Variants in GPM6B observed in about 807,000 individuals in gnomAD.
The protein encoded by GPM6B is neuronal membrane glycoprotein M6-b.
Under a neutral mutation model 27.2 loss-of-function variants are expected in GPM6B, and 4 were observed. That is an observed-to-expected ratio of 0.15 (90% confidence interval 0.07 to 0.34). The LOEUF (loss-of-function observed/expected upper bound fraction) is 0.34. Among genes scored for constraint, GPM6B ranks in the 10% least tolerant of loss-of-function variants. GPM6B has a pLI of 1.00. For missense variants in GPM6B, 183 were observed against 261.9 expected, an observed-to-expected ratio of 0.70 and a Z score of 2.08; for synonymous variants, 124 against 103.1, an observed-to-expected ratio of 1.20 and a Z score of -1.23.
At chrX:13,829,300 G>A (rs2147214825) in intron 1 of GPM6B, among the ~76,000 whole-genome samples, 1 of 111,493 alleles carries the variant, frequency 9.0e-6, no homozygotes, top group Non-Finnish European at 1.9e-5. Context: ...TGACCTTCCT[G>A]AGTTTCAGCT....
chrX:13,868,189 TTGTGTGTG>T (rs59057250), intron 1 of GPM6B, among the ~76,000 whole-genome samples: 46,988 of 106,639 alleles, frequency 0.44, 8,720 homozygotes, highest in Non-Finnish European at 0.59. Flanking sequence ...GACATTTAAA[TTGTGTGTG>T]TGTGTGTGTG....
At chrX:13,916,905 G>A (rs1241377122) in intron 1 of GPM6B, among the ~76,000 whole-genome samples, 1 of 111,142 alleles carries the variant, frequency 9.0e-6, no homozygotes, top group African/African-American at 3.3e-5. Context: ...TCATCACTGT[G>A]CCCATGAATT....
intron 1 of GPM6B, among the ~76,000 whole-genome samples, chrX:13,834,532 G>A (rs749536873): frequency 8.9e-6 from 1 of 112,439 alleles, no homozygotes. Flanking sequence ...GCATGCCATG[G>A]GCTTTGCTCA....
intron 1 of GPM6B, among the ~76,000 whole-genome samples, chrX:13,842,928 TTATC>T (rs2049596457): frequency 8.9e-6 from 1 of 111,808 alleles, no homozygotes; most frequent in African/African-American, 3.3e-5. Context: ...AACACCTTTA[TTATC>T]ATTGACATAC....
At chrX:13,794,818 G>C (rs2048780283) in intron 2 of GPM6B, among the ~76,000 whole-genome samples, 1 of 112,113 alleles carries the variant, frequency 8.9e-6, no homozygotes, top group African/African-American at 3.2e-5. Context: ...AGGATGCAGA[G>C]AGCCCTTCTA....
chrX:13,794,464 TGG>T (rs1228267565), intron 2 of GPM6B, among the ~76,000 whole-genome samples: 2 of 111,315 alleles, frequency 1.8e-5, no homozygotes, highest in African/African-American at 6.5e-5. Context: ...GAGCCAGGAG[TGG>T]GCCCTCAAAG....
chrX:13,864,564 G>T (rs2049888458), intron 1 of GPM6B, among the ~76,000 whole-genome samples: 1 of 112,737 alleles, frequency 8.9e-6, no homozygotes, highest in African/African-American at 3.2e-5. Flanking sequence ...TCCAGGGTTG[G>T]AGTTTTTAAA....
chrX:13,831,143 T>C (rs1303296951), intron 1 of GPM6B, among the ~76,000 whole-genome samples: 2 of 104,661 alleles, frequency 1.9e-5, no homozygotes, highest in Non-Finnish European at 3.9e-5. Context: ...TACGGTCCAA[T>C]ATATGGTGAG....
intron 2 of GPM6B, among the ~76,000 whole-genome samples, chrX:13,806,358 T>C (rs766200908): frequency 1.8e-5 from 2 of 112,558 alleles, no homozygotes; most frequent in Non-Finnish European, 3.8e-5. Context: ...CATTCCTTTT[T>C]ATTGCTGAAT....
intron 1 of GPM6B, among the ~76,000 whole-genome samples, chrX:13,929,606 C>T (rs1921382910): frequency 8.9e-6 from 1 of 111,814 alleles, no homozygotes; most frequent in Admixed American, 9.5e-5. Context: ...ATCCCTCTTA[C>T]CCTTTAAGTA....
chrX:13,846,853 A>C (rs2061706109), intron 1 of GPM6B, among the ~76,000 whole-genome samples: 1 of 99,353 alleles, frequency 1.0e-5, no homozygotes, highest in African/African-American at 3.8e-5. Flanking sequence ...TATTACTGAC[A>C]CATGTTTTAG....
intron 1 of GPM6B, among the ~76,000 whole-genome samples, chrX:13,900,427 C>T (rs2050272103): frequency 9.0e-6 from 1 of 110,877 alleles, no homozygotes; most frequent in South Asian, 3.8e-4. Context: ...GGGAGGGTTA[C>T]CCGAAATTGG....
chrX:13,799,196 T>A (rs1315548747), intron 2 of GPM6B, among the ~76,000 whole-genome samples: 8 of 9,446 alleles, frequency 8.5e-4, no homozygotes, highest in African/African-American at 4.3e-3. Flanking sequence ...CCTAATTTTT[T>A]TTTTTTTTTT....
At chrX:13,806,841 C>A (rs1422751143) in intron 2 of GPM6B, among the ~76,000 whole-genome samples, 1 of 111,931 alleles carries the variant, frequency 8.9e-6, no homozygotes, top group Non-Finnish European at 1.9e-5. Flanking sequence ...CTACCACCAG[C>A]CCTTTATGTC....
chrX:13,866,437 C>T (rs1403196707), intron 1 of GPM6B, among the ~76,000 whole-genome samples: 1 of 111,925 alleles, frequency 8.9e-6, no homozygotes, highest in African/African-American at 3.2e-5. Context: ...TGCTCTAATG[C>T]ACACTGGAAT....
upstream of GPM6B, among the ~76,000 whole-genome samples, chrX:13,818,439 G>T: frequency 8.9e-6 from 1 of 112,123 alleles, no homozygotes; most frequent in Non-Finnish European, 1.9e-5. Flanking sequence ...CTAAAAACCT[G>T]ATCTTTTAAT....
At chrX:13,820,824 C>T (rs996344764), upstream of GPM6B, among the ~76,000 whole-genome samples, 3 of 111,563 alleles carry the variant, frequency 2.7e-5, no homozygotes, top group African/African-American at 6.5e-5. Context: ...GGGCACATAG[C>T]GGGTTCTCAA....
At chrX:13,796,501 T>C (rs746585770) in intron 2 of GPM6B, among the ~76,000 whole-genome samples, 7 of 112,427 alleles carry the variant, frequency 6.2e-5, no homozygotes, top group Middle Eastern at 4.6e-3. Context: ...ACTAATATAG[T>C]GCATTAAAAA....
intron 1 of GPM6B, among the ~76,000 whole-genome samples, chrX:13,923,105 C>T (rs1178428928): frequency 1.8e-5 from 2 of 110,266 alleles, no homozygotes; most frequent in African/African-American, 3.3e-5. Context: ...GAACCCAGGA[C>T]GCAGAGGTTG....
Sources: gnomAD v4.1 joint callset for allele counts (sites outside exome capture counted in the v4.1 genomes callset) on GRCh38, gnomAD v4.1.1 for gene constraint, MANE v1.5 for transcripts, NCBI Gene and HGNC (gene_info 2026-07-23, HGNC 2026-07-21) for gene names.